TGS1: variants seen among roughly 807,000 people sequenced by gnomAD.
The protein encoded by TGS1 is trimethylguanosine synthase.
Under a neutral mutation model 92.2 loss-of-function variants are expected in TGS1, and 69 were observed. The ratio of observed to expected loss-of-function variants is 0.75; its 90% CI spans 0.62 to 0.91. The LOEUF is 0.91. Ranked by LOEUF, TGS1 falls within the 40% of genes least tolerant of loss-of-function variation. TGS1 has a pLI of 0.00. For synonymous variants in TGS1, 345 were observed against 338.1 expected, an observed-to-expected ratio of 1.02 and a Z score of -0.22; for missense variants, 1,062 against 1,001.2, an observed-to-expected ratio of 1.06 and a Z score of -0.82.
At chr8:55,822,097 T>C (rs1035181488) in intron 12 of TGS1, among the ~76,000 whole-genome samples, 2 of 149,632 alleles carry the variant, frequency 1.3e-5, no homozygotes, top group African/African-American at 4.9e-5. Flanking sequence ...TGAGGCAGAG[T>C]CTCACTCTGT....
intron 6 of TGS1, among the ~76,000 whole-genome samples, chr8:55,794,236 C>T (rs1014489994): frequency 4.6e-5 from 7 of 151,892 alleles, no homozygotes; most frequent in African/African-American, 1.7e-4. Context: ...TAAGTTTTTT[C>T]ATGGAGATGG....
intron 5 of TGS1, among the ~76,000 whole-genome samples, chr8:55,792,480 A>G (rs1585767670): frequency 6.6e-6 from 1 of 152,202 alleles, no homozygotes. Flanking sequence ...TAAGACTGGA[A>G]TACTTATTGC....
intron 10 of TGS1, among the ~76,000 whole-genome samples, chr8:55,806,457 A>C (rs1307364442): frequency 6.6e-6 from 1 of 151,816 alleles, no homozygotes; most frequent in Non-Finnish European, 1.5e-5. Context: ...ACTTAGTAAC[A>C]ATTTTTTCTC....
At chr8:55,818,773 G>C (rs966686752) in intron 12 of TGS1, among the ~76,000 whole-genome samples, 10 of 152,328 alleles carry the variant, frequency 6.6e-5, no homozygotes, top group Admixed American at 3.3e-4. Context: ...ATAGAAATTA[G>C]AGGGATATCC....
intron 4 of TGS1, among the ~76,000 whole-genome samples, chr8:55,788,745 C>T (rs1207914445): frequency 6.6e-6 from 1 of 152,146 alleles, no homozygotes; most frequent in Admixed American, 6.5e-5. Flanking sequence ...GCGTGAGCCA[C>T]CATGCACAGC....
intron 10 of TGS1, among the ~76,000 whole-genome samples, chr8:55,810,146 C>T (rs371215996): frequency 1.3e-5 from 2 of 152,194 alleles, no homozygotes; most frequent in African/African-American, 4.8e-5. Context: ...GTAAGCGTAA[C>T]GGTTACACTT....
chr8:55,786,468 A>G lies in TGS1; in HGVS notation c.570A>G (p.Pro190=). 1 of 1,614,042 alleles carries G rather than the reference A, an allele frequency of 6.2e-7. No individual in the cohort carries two copies. The highest frequency in any genetic ancestry group is 1.1e-5 in the South Asian group (1 of 91,022). The part of the protein sequence containing the change: ...ENPPVENTLS[P]KLEITEKWEK... ...CTCCAGTTGAAAACACATTATCTCC[A>G]AAGCTAGAAATTACAGAGAAATGGG... Residue 190 remains proline, a synonymous_variant, in exon 4 of 13, where the codon CCA becomes CCG. Coordinates refer to ENST00000260129, the MANE Select transcript of TGS1 (RefSeq NM_024831.8).
chr8:55,773,475 C>T lies in TGS1; in HGVS notation c.-144C>T, dbSNP rs1811271453. The T allele has an allele frequency of 6.9e-6, 4 of 581,560 alleles. No individual in the cohort carries two copies. Among genetic ancestry groups the T allele is most frequent in the Non-Finnish European group, 8.7e-6 (3 of 345,098 alleles). 36.0% of individuals were successfully genotyped at this position (581,560 alleles called of 1,614,324 possible). On this transcript the variant is annotated 5_prime_UTR_variant, in exon 1 of 13. Transcript: ENST00000260129. ...CCGGCGGCAGCGTCCGGGCTAGTTC[C>T]CGGCGCGAGCGGCCGCGGGCCAGTT...
chr8:55,822,560 T>C (rs34747277), intron 12 of TGS1, among the ~76,000 whole-genome samples: 14,309 of 140,712 alleles, frequency 0.1, 720 homozygotes, highest in African/African-American at 0.13. Flanking sequence ...TTTTTTTTTT[T>C]TCCCCCTTTC....
chr8:55,790,168 T>A lies in TGS1; in HGVS notation c.1163-14T>A, dbSNP rs770081207. On this transcript the variant is annotated splice_polypyrimidine_tract_variant and intron_variant, in intron 4 of 12. Coordinates refer to ENST00000260129, the MANE Select transcript of TGS1 (RefSeq NM_024831.8). Reference sequence around the variant, plus strand: ...CAAGGGGGAAAAGCTACTGCAATATTTCTGCCTCTTTAGATTCACAGAAGT... The same window carrying A: ...CAAGGGGGAAAAGCTACTGCAATATATCTGCCTCTTTAGATTCACAGAAGT... The A allele has an allele frequency of 6.2e-7, 1 of 1,600,402 alleles. No homozygotes were observed. The highest frequency in any genetic ancestry group is 1.7e-5 in the Admixed American group (1 of 59,596).
chr8:55,797,227 T>C (rs760226199), intron 7 of TGS1, among the ~76,000 whole-genome samples: 2 of 152,152 alleles, frequency 1.3e-5, no homozygotes, highest in Admixed American at 6.5e-5. Context: ...CTTCTTCACA[T>C]GGCAGCTAGA....
In TGS1 at chr8:55,798,010, A is replaced by G. The variant is rs996310171; in HGVS notation, c.1543-904A>G. 4.6e-5 allele frequency among the ~76,000 whole-genome samples: 7 copies of G among 152,356 alleles called. No homozygotes were observed. The East Asian group carries it at 1.3e-3, about 29-fold the overall frequency. On this transcript the variant is annotated intron_variant, in intron 7 of 12. Coordinates refer to ENST00000260129, the MANE Select transcript of TGS1 (RefSeq NM_024831.8). Reference sequence around the variant, plus strand: ...TAGTTATATCTGAAACAGACTGCCTAGTATTAGTCCAGTCAGTGCCATAGG... The same window carrying G: ...TAGTTATATCTGAAACAGACTGCCTGGTATTAGTCCAGTCAGTGCCATAGG...
At chr8:55,804,748 C>T in intron 9 of TGS1, 145 bp from the exon 10 acceptor site, 1 of 653,958 alleles carries the variant, frequency 1.5e-6, no homozygotes, top group Non-Finnish European at 2.4e-6. Context: ...GAATTTTTTT[C>T]TTTAAAACTG....
At chr8:55,789,459 G>A (rs2130142032) in intron 4 of TGS1, among the ~76,000 whole-genome samples, 1 of 152,260 alleles carries the variant, frequency 6.6e-6, no homozygotes. Flanking sequence ...GAATGTGACT[G>A]CTAACAGCTA....
At chr8:55,773,793 T>G in intron 1 of TGS1, 74 bp downstream of exon 1, 2 of 1,237,722 alleles carry the variant, frequency 1.6e-6, no homozygotes, top group Non-Finnish European at 2.3e-6. Context: ...CAAACGTGGT[T>G]GTAATTGATC....
intron 12 of TGS1, among the ~76,000 whole-genome samples, chr8:55,822,076 C>A (rs10088064): frequency 0.14 from 20,468 of 144,514 alleles, 1,524 homozygotes; most frequent in African/African-American, 0.2. Flanking sequence ...TTCTTTCTTT[C>A]TTTTTTTTTT....
intron 1 of TGS1, among the ~76,000 whole-genome samples, chr8:55,778,013 A>G (rs1316481071): frequency 3.9e-5 from 6 of 152,028 alleles, no homozygotes; most frequent in African/African-American, 1.4e-4. Context: ...GGTTGACATC[A>G]GTAATCCAAG....
chr8:55,806,673 A>G (rs1476823558), intron 10 of TGS1, among the ~76,000 whole-genome samples: 1 of 152,100 alleles, frequency 6.6e-6, no homozygotes, highest in Admixed American at 6.5e-5. Context: ...ATATGTATTA[A>G]TTTATGTAAT....
intron 8 of TGS1, among the ~76,000 whole-genome samples, chr8:55,801,863 C>T (rs1024897470): frequency 6.6e-6 from 1 of 152,056 alleles, no homozygotes; most frequent in African/African-American, 2.4e-5. Context: ...GTGTGAGCCA[C>T]CTCGCTCAGC....
Sources: gnomAD v4.1 joint callset for allele counts (sites outside exome capture counted in the v4.1 genomes callset) on GRCh38, gnomAD v4.1.1 for gene constraint, MANE v1.5 for transcripts, NCBI Gene and HGNC (gene_info 2026-07-23, HGNC 2026-07-21) for gene names.